The following DCC variants were observed in gnomAD, a reference collection of about 807,000 sequenced individuals.
The protein encoded by DCC is netrin receptor DCC.
DCC carries 58 observed loss-of-function variants against 172.5 expected under a neutral mutation model. The ratio of observed to expected loss-of-function variants is 0.34; its 90% CI spans 0.27 to 0.42. The LOEUF (loss-of-function observed/expected upper bound fraction) is 0.42, where lower values mean the gene tolerates loss of function less well. DCC is among the 10% of genes least tolerant of loss of function. DCC has a pLI of 1.00. For synonymous variants in DCC, 709 were observed against 644.5 expected (o/e 1.10, Z -1.52); for missense variants, 1,740 against 1,791.0 (o/e 0.97, Z 0.51).
intron 1 of DCC, among the ~76,000 whole-genome samples, chr18:52,374,631 A>C (rs10502943): frequency 0.097 from 14,330 of 147,722 alleles, 930 homozygotes; most frequent in South Asian, 0.24. Flanking sequence ...TTTGAAACCA[A>C]GGAAATGAGA....
intron 2 of DCC, among the ~76,000 whole-genome samples, chr18:52,812,774 A>G (rs991649962): frequency 2.8e-4 from 42 of 152,206 alleles, no homozygotes; most frequent in Non-Finnish European, 2.9e-4. Flanking sequence ...CTTGCTGCTC[A>G]TTGTGCCCAA....
intron 22 of DCC, among the ~76,000 whole-genome samples, chr18:53,444,317 A>C (rs2145136143): frequency 6.6e-6 from 1 of 152,280 alleles, no homozygotes; most frequent in Admixed American, 6.5e-5. Context: ...CAAGTTGGGC[A>C]GACCATTTGA....
At chr18:52,547,813 T>A (rs1023062001) in intron 1 of DCC, among the ~76,000 whole-genome samples, 3 of 152,078 alleles carry the variant, frequency 2.0e-5, no homozygotes, top group African/African-American at 7.2e-5. Context: ...GGGACACATT[T>A]TTGGTAAAGG....
intron 12 of DCC, among the ~76,000 whole-genome samples, chr18:53,221,099 T>C (rs2055925938): frequency 6.6e-6 from 1 of 152,146 alleles, no homozygotes; most frequent in Admixed American, 6.6e-5. Flanking sequence ...GTCTTTTTAC[T>C]TAATAGATCC....
chr18:53,372,566 A>G (rs1215240540), intron 15 of DCC, among the ~76,000 whole-genome samples: 1 of 152,062 alleles, frequency 6.6e-6, no homozygotes, highest in Admixed American at 6.6e-5. Context: ...AATGCTGTTT[A>G]CCTATATAAC....
intron 1 of DCC, among the ~76,000 whole-genome samples, chr18:52,477,046 G>C (rs1443744112): frequency 1.3e-5 from 2 of 152,074 alleles, no homozygotes; most frequent in Non-Finnish European, 2.9e-5. Flanking sequence ...CCAGAACCAG[G>C]CATTTGTGTG....
chr18:53,232,698 G>A (rs945200598), intron 12 of DCC, among the ~76,000 whole-genome samples: 1 of 152,062 alleles, frequency 6.6e-6, no homozygotes, highest in Admixed American at 6.6e-5. Flanking sequence ...TAATTCTGTG[G>A]CTCAATTATT....
At chr18:53,048,625 TAAAG>T (rs1017764007) in intron 5 of DCC, among the ~76,000 whole-genome samples, 3 of 150,318 alleles carry the variant, frequency 2.0e-5, no homozygotes, top group East Asian at 1.9e-4. Flanking sequence ...TGATATATGA[TAAAG>T]AAAATGTGAT....
chr18:53,349,485 G>T (rs771831229), intron 15 of DCC, among the ~76,000 whole-genome samples: 8 of 152,064 alleles, frequency 5.3e-5, no homozygotes, highest in Non-Finnish European at 4.4e-5. Context: ...ACATTTTCAG[G>T]TATCTTTTCA....
intron 2 of DCC, among the ~76,000 whole-genome samples, chr18:52,784,868 A>C (rs1282865938): frequency 6.7e-6 from 1 of 149,924 alleles, no homozygotes; most frequent in Admixed American, 6.7e-5. Flanking sequence ...AATTTAATAG[A>C]ATAAAGGAGA....
At chr18:52,530,603 A>G (rs1360618429) in intron 1 of DCC, among the ~76,000 whole-genome samples, 3 of 152,226 alleles carry the variant, frequency 2.0e-5, no homozygotes, top group Non-Finnish European at 4.4e-5. Context: ...CTTTTTCTTC[A>G]GTGTTCTTCC....
intron 8 of DCC, among the ~76,000 whole-genome samples, chr18:53,175,066 A>T (rs943466658): frequency 6.6e-6 from 1 of 152,104 alleles, no homozygotes; most frequent in African/African-American, 2.4e-5. Flanking sequence ...ACAGAGCCAA[A>T]GACAAAAACC....
intron 5 of DCC, among the ~76,000 whole-genome samples, chr18:53,013,918 C>T (rs762694093): frequency 7.9e-5 from 12 of 152,026 alleles, no homozygotes; most frequent in South Asian, 2.1e-4. Flanking sequence ...TCAACGAACA[C>T]AACAATAACC....
At chr18:52,854,328 T>C (rs1483574962) in intron 2 of DCC, among the ~76,000 whole-genome samples, 2 of 152,122 alleles carry the variant, frequency 1.3e-5, no homozygotes, top group African/African-American at 4.8e-5. Context: ...TTTCTAATTA[T>C]TGGAGGAATT....
At chr18:53,237,541 G>T (rs1420995893) in intron 12 of DCC, among the ~76,000 whole-genome samples, 4 of 152,080 alleles carry the variant, frequency 2.6e-5, no homozygotes, top group Non-Finnish European at 5.9e-5. Context: ...CCTGCTTTGT[G>T]GTTGACAGCT....
chr18:53,004,461 G>A (rs2041614375), intron 5 of DCC, among the ~76,000 whole-genome samples: 1 of 152,170 alleles, frequency 6.6e-6, no homozygotes, highest in Non-Finnish European at 1.5e-5. Flanking sequence ...GTTATCCTGT[G>A]AAAACCACTT....
chr18:53,484,314 TA>T (rs1340326625), intron 25 of DCC, among the ~76,000 whole-genome samples: 1 of 151,996 alleles, frequency 6.6e-6, no homozygotes, highest in African/African-American at 2.4e-5. Flanking sequence ...TCAGCAATTT[TA>T]AAATAAACTT....
intron 25 of DCC, among the ~76,000 whole-genome samples, chr18:53,472,076 T>C (rs1351595366): frequency 2.0e-5 from 3 of 152,220 alleles, no homozygotes; most frequent in Admixed American, 6.5e-5. Context: ...ACTTACCATA[T>C]GCCACATCCT....
rs548766001 is a variant in DCC at position 53,165,473 on chromosome 18, T to C, written c.1418+7961T>C. On this transcript the variant is annotated intron_variant, in intron 8 of 28. Coordinates refer to ENST00000442544, the MANE Select transcript of DCC (RefSeq NM_005215.4). ...AGCTTGTTATCCATGAGGGAACATA[T>C]TGTGATGGAAAAAGAACAAGACTCA... Among the ~76,000 whole-genome samples, 91 of 152,228 alleles carry C rather than the reference T, an allele frequency of 6.0e-4. 1 individual carries two copies. Among genetic ancestry groups the C allele is most frequent in the Non-Finnish European group, 7.4e-5 (5 of 68,002 alleles).
Sources: allele counts gnomAD v4.1 joint callset (sites outside exome capture counted in the v4.1 genomes callset), GRCh38; gene constraint gnomAD v4.1.1; transcripts MANE v1.5; gene names NCBI Gene and HGNC (gene_info 2026-07-23, HGNC 2026-07-21).